SPOCD1: variants seen among roughly 807,000 people sequenced by gnomAD.
The protein encoded by SPOCD1 is SPOC domain-containing protein 1.
Under a neutral mutation model 92.2 loss-of-function variants are expected in SPOCD1, and 64 were observed. The ratio of observed to expected loss-of-function variants is 0.69; its 90% CI spans 0.57 to 0.86. The LOEUF (loss-of-function observed/expected upper bound fraction) is 0.86. Ranked by LOEUF, SPOCD1 falls within the 40% of genes least tolerant of loss-of-function variation. SPOCD1 has a pLI of 0.00. For missense variants in SPOCD1, 1,360 were observed against 1,543.1 expected, an observed-to-expected ratio of 0.88 and a Z score of 1.99; for synonymous variants, 578 against 619.3, an observed-to-expected ratio of 0.93 and a Z score of 0.99.
In SPOCD1 at chr1:31,790,539, T is replaced by C; in HGVS notation, c.*64A>G. On this transcript the variant is annotated 3_prime_UTR_variant, in exon 16 of 16. Coordinates refer to ENST00000360482, the MANE Select transcript of SPOCD1 (RefSeq NM_144569.7). Reference sequence around the variant, plus strand: ...CATCCTCTCCTTGCAGTCCCACCTCTCTCTGGAACAGGCTTCAACACTAGT... The same window carrying C: ...CATCCTCTCCTTGCAGTCCCACCTCCCTCTGGAACAGGCTTCAACACTAGT... 6.9e-7 allele frequency: 1 copy of C among 1,442,028 alleles called. No homozygotes were observed. Among genetic ancestry groups the C allele is most frequent in the Non-Finnish European group, 9.4e-7 (1 of 1,061,504 alleles). The allele number at this position is 1,442,028 out of a possible 1,614,324, so 89.3% of individuals were successfully genotyped here. A position where few individuals can be genotyped will look rare whatever the true frequency, so the allele number is the denominator to read the frequency against.
chr1:31,798,592 C>A lies in SPOCD1; in HGVS notation c.1878G>T (p.Glu626Asp), dbSNP rs779450335. The A allele has an allele frequency of 6.2e-7, 1 of 1,612,692 alleles. No individual in the cohort carries two copies. Among genetic ancestry groups the A allele is most frequent in the Non-Finnish European group, 8.5e-7 (1 of 1,179,678 alleles). The change falls in exon 8 of 16, where the codon GAG (glutamate) becomes GAT (aspartate). Residue 626 changes from glutamate (E) to aspartate (D), a missense_variant. Glu to Asp is a conservative substitution (Grantham distance 45). Coordinates refer to ENST00000360482, the MANE Select transcript of SPOCD1 (RefSeq NM_144569.7). This position sits in a 1 kb window ranked among gnomAD's most constrained non-coding sequence, Gnocchi z 4.1. ...CCTCACTCAGCACTGGGTCTGGGAG[C>A]TCCCGAAGGCTGTGGAGGCCAGGGC... ...MQEVLWTRLR[E>D]LPDPVLSEEV...
At chr1:31,804,125 A>C (rs1387277986) in intron 2 of SPOCD1, among the ~76,000 whole-genome samples, 1 of 152,268 alleles carries the variant, frequency 6.6e-6, no homozygotes, top group East Asian at 1.9e-4. Flanking sequence ...AAGAGAAAAA[A>C]TAATAGCTAA....
intron 2 of SPOCD1, among the ~76,000 whole-genome samples, chr1:31,802,323 G>C (rs1648523915): frequency 6.6e-6 from 1 of 152,238 alleles, no homozygotes; most frequent in Non-Finnish European, 1.5e-5. Context: ...CATCATTCAT[G>C]CTATTAAGGT....
At chr1:31,805,234 C>T (rs35405061) in intron 2 of SPOCD1, among the ~76,000 whole-genome samples, 101,463 of 151,398 alleles carry the variant, frequency 0.67, 34,056 homozygotes, top group South Asian at 0.72. Context: ...TCCACTGGCC[C>T]CGGCCTCCCA....
chr1:31,791,283 C>G lies in SPOCD1; in HGVS notation c.2971G>C (p.Ala991Pro), dbSNP rs1570142123. The change falls in exon 16 of 16, where the codon GCT (alanine) becomes CCT (proline). Residue 991 changes from alanine to proline, a missense_variant. Around this residue, in one of 3 missense-constraint regions of SPOCD1, gnomAD observed 614 missense variants for 757.8 expected, o/e 0.81. Transcript: ENST00000360482. ...GAAAGGAGAGGGGAGACAGGAAGAG[C>G]CCAAAGGCCTGCGGGGAAGAACTGT... Reference protein sequence around the residue: ...LRPLGGPGLWALPVSPLLSPG... With the variant: ...LRPLGGPGLWPLPVSPLLSPG... The G allele has an allele frequency of 1.3e-6, 2 of 1,525,438 alleles. No homozygotes were observed. The highest frequency in any genetic ancestry group is 4.6e-5 in the East Asian group (2 of 43,214). 94.5% of individuals were successfully genotyped at this position (1,525,438 alleles called of 1,614,324 possible).
Position 31,814,759 on chromosome 1 carries a change from C to T in SPOCD1, c.575G>A (p.Arg192Lys), listed in dbSNP as rs760961243. The change falls in exon 2 of 16, where the codon AGG becomes AAG. Residue 192 changes from arginine to lysine, a missense_variant. This residue lies in a region of SPOCD1 where 606 missense variants were observed against 601.5 expected (regional missense o/e 1.01). Coordinates refer to ENST00000360482, the MANE Select transcript of SPOCD1 (RefSeq NM_144569.7). The surrounding 1 kb of genome is among the most constrained non-coding windows in gnomAD (Gnocchi z 4.2). ...PTLSKEEPPG[R>K]PLTSSPDPVP... ...TGGGTCTGGTGAGGATGTCAGGGGC[C>T]TTCCAGGGGGCTCCTCTTTGCTGAG... 6.2e-7 allele frequency: 1 copy of T among 1,613,718 alleles called. No homozygotes were observed. The highest frequency in any genetic ancestry group is 1.1e-5 in the South Asian group (1 of 91,054).
At chr1:31,813,836 T>G in intron 2 of SPOCD1, 115 bp downstream of exon 2, 33 of 939,634 alleles carry the variant, frequency 3.5e-5, no homozygotes, top group Non-Finnish European at 4.1e-5. Flanking sequence ...AATAGGGATG[T>G]GAGAATGTTC....
intron 7 of SPOCD1, 56 bp downstream of exon 7, chr1:31,799,345 G>T: frequency 6.9e-7 from 1 of 1,456,600 alleles, no homozygotes; most frequent in South Asian, 1.2e-5. Context: ...CCCCGGAGGC[G>T]GGGGCATGTG....
In SPOCD1 at chr1:31,802,037, G is replaced by A. The variant is rs113556170; in HGVS notation, c.1384-332C>T. 3.5e-3 allele frequency among the ~76,000 whole-genome samples: 539 copies of A among 152,140 alleles called. 4 individuals are homozygous for A. The highest frequency in any genetic ancestry group is 0.014 in the East Asian group (72 of 5,178). ...ACAAAAATTAGCTGAGCATGGTGGC[G>A]GGTGCCTGTAATCCCAGCTACTCGG... is the stretch of plus-strand genomic sequence containing the variant. On this transcript the variant is annotated intron_variant, in intron 2 of 15. Transcript: ENST00000360482.
chr1:31,806,075 C>T (rs996964710), intron 2 of SPOCD1, among the ~76,000 whole-genome samples: 6 of 151,532 alleles, frequency 4.0e-5, no homozygotes, highest in Admixed American at 1.3e-4. Context: ...CAACTCTAAA[C>T]TTATAAGCAT....
In SPOCD1 at chr1:31,792,734, T is replaced by C. The variant is rs768273054; in HGVS notation, c.2719A>G (p.Ile907Val). The C allele has an allele frequency of 6.2e-7, 1 of 1,607,804 alleles. No homozygotes were observed. Among genetic ancestry groups the C allele is most frequent in the Non-Finnish European group, 8.5e-7 (1 of 1,177,720 alleles). Residue 907 changes from isoleucine to valine, a missense_variant, in exon 14 of 16, where the codon ATC (isoleucine) becomes GTC (valine). Coordinates refer to ENST00000360482, the MANE Select transcript of SPOCD1 (RefSeq NM_144569.7). ...LPTVIRSAGC[I>V]PSNIVWDLLA... ...AGGTCCCAGACAATGTTGGAGGGGA[T>C]GCAGCCTGCCGAGCGGATCACGGTG... is the stretch of plus-strand genomic sequence containing the variant.
chr1:31,799,981 TGAA>T, intron 5 of SPOCD1, 32 bp downstream of exon 5: 9 of 1,610,830 alleles, frequency 5.6e-6, no homozygotes, highest in Non-Finnish European at 7.6e-6. Flanking sequence ...CATGCTCCAG[TGAA>T]GGAGGCACAT....
At chr1:31,801,549 GGAGGGCAGGCTGGGT>G in intron 3 of SPOCD1, 100 bp downstream of exon 3, 1 of 883,704 alleles carries the variant, frequency 1.1e-6, no homozygotes, top group Non-Finnish European at 1.9e-6. Context: ...ATCCACTGGG[GGAGGGCAGGCTGGGT>G]GGGGGTAGGA....
chr1:31,807,856 G>T (rs1387665109), intron 2 of SPOCD1, among the ~76,000 whole-genome samples: 2 of 152,166 alleles, frequency 1.3e-5, no homozygotes, highest in Non-Finnish European at 2.9e-5. Context: ...GTGAAATACT[G>T]TATGCCAACA....
Position 31,815,268 on chromosome 1 carries a change from G to A in SPOCD1, c.66C>T (p.Asn22=). 2 of 1,598,996 alleles carry A rather than the reference G, an allele frequency of 1.3e-6. No individual in the cohort carries two copies. The highest frequency in any genetic ancestry group is 1.7e-6 in the Non-Finnish European group (2 of 1,168,370). The change falls in exon 2 of 16, where the codon AAC becomes AAT. Residue 22 remains asparagine, a synonymous_variant. Coordinates refer to ENST00000360482, the MANE Select transcript of SPOCD1 (RefSeq NM_144569.7). ...TGDPVLSPQH[N]CELLQNMEGA... ...CTTCCATGTTCTGTAAAAGCTCACAGTTGTGTTGGGGACTGAGCACAGGGT... is the reference window on the plus strand; with the variant it reads ...CTTCCATGTTCTGTAAAAGCTCACAATTGTGTTGGGGACTGAGCACAGGGT...
chr1:31,792,484 G>A (rs1647673097), intron 14 of SPOCD1, 83 bp from the exon 15 acceptor site: 1 of 1,436,102 alleles, frequency 7.0e-7, no homozygotes, highest in East Asian at 2.5e-5. Context: ...AAACCCCTGA[G>A]AACCCCGTGA....
chr1:31,811,673 C>T (rs1301455563), intron 2 of SPOCD1, among the ~76,000 whole-genome samples: 7 of 152,202 alleles, frequency 4.6e-5, no homozygotes, highest in South Asian at 2.1e-4. Context: ...CCAGACCAGC[C>T]GGGCACTGTG....
At position 31,796,615 on chromosome 1, in the gene SPOCD1, T is replaced by C. The variant is rs774512911; in HGVS notation, c.2246A>G (p.Gln749Arg). The C allele has an allele frequency of 3.1e-6, 5 of 1,614,268 alleles. No homozygotes were observed. Among genetic ancestry groups the C allele is most frequent in the Non-Finnish European group, 4.2e-6 (5 of 1,180,050 alleles). The change falls in exon 10 of 16, where the codon CAG becomes CGG. Residue 749 changes from glutamine to arginine, a missense_variant. Physicochemically the swap from Gln to Arg is conservative, Grantham distance 43 (BLOSUM62 1). Around this residue, in one of 3 missense-constraint regions of SPOCD1, gnomAD observed 614 missense variants for 757.8 expected, o/e 0.81. Coordinates refer to ENST00000360482, the MANE Select transcript of SPOCD1 (RefSeq NM_144569.7). ...GEVEIQRDMD[Q>R]TLTLEDLVGP... ...CACCAGATCCTCCAGGGTCAGTGTC[T>C]GGTCCATGTCCCGCTGAATCTCCAC...
intron 2 of SPOCD1, among the ~76,000 whole-genome samples, chr1:31,808,706 A>G (rs1190195763): frequency 1.3e-5 from 2 of 152,154 alleles, no homozygotes; most frequent in African/African-American, 4.8e-5. Flanking sequence ...CAGTAAGGAA[A>G]GGGAAGGGAA....
Sources: gnomAD v4.1 joint callset for allele counts (sites outside exome capture counted in the v4.1 genomes callset) on GRCh38, gnomAD v4.1.1 for gene constraint, gnomAD v4.1.1 regional missense constraint, Gnocchi (gnomAD v3.1) non-coding constraint, MANE v1.5 for transcripts, NCBI Gene and HGNC (gene_info 2026-07-23, HGNC 2026-07-21) for gene names.